UBOX5: variants seen among roughly 807,000 people sequenced by gnomAD.
UBOX5 encodes the protein U-box domain containing 5, also known as RING finger protein 37.
Under a neutral mutation model 39.0 loss-of-function variants are expected in UBOX5, and 28 were observed. The observed-to-expected ratio is 0.72, with a 90% CI of 0.53 to 0.98. The LOEUF (loss-of-function observed/expected upper bound fraction) is 0.98, where lower values mean the gene tolerates loss of function less well. Ranked by LOEUF, UBOX5 falls within the 50% of genes least tolerant of loss-of-function variation. The pLI, the probability that UBOX5 is intolerant of heterozygous loss-of-function variation, is 0.00. For synonymous variants in UBOX5, 283 were observed against 275.5 expected, an observed-to-expected ratio of 1.03 and a Z score of -0.27; for missense variants, 585 against 674.4, an observed-to-expected ratio of 0.87 and a Z score of 1.47.
At chr20:3,125,042 A>C (rs1413954842) in intron 1 of UBOX5, among the ~76,000 whole-genome samples, 1 of 125,552 alleles carries the variant, frequency 8.0e-6, no homozygotes, top group African/African-American at 3.1e-5. Context: ...CAGCCACCCC[A>C]TCTGGTAAGT....
chr20:3,117,537 A>G (rs1402497098), intron 3 of UBOX5, among the ~76,000 whole-genome samples: 1 of 152,178 alleles, frequency 6.6e-6, no homozygotes, highest in Non-Finnish European at 1.5e-5. Flanking sequence ...ACGAAAAATT[A>G]GCCGGGTGTG....
Position 3,121,724 on chromosome 20 carries a change from G to A in UBOX5, c.915C>T (p.Asp305=), listed in dbSNP as rs201610511. 7.4e-6 allele frequency: 12 copies of A among 1,614,088 alleles called. No homozygotes were observed. The African/African-American group carries it at 1.1e-4, about 14-fold the overall frequency. Residue 305 remains aspartate, a synonymous_variant, in exon 3 of 5, where the codon GAC becomes GAT. Coordinates refer to ENST00000217173, the MANE Select transcript of UBOX5 (RefSeq NM_014948.4). Reference sequence around the variant, plus strand: ...GAGTAAAAGCTACCCCCGTGAAAGGGTCACTGGGCACTCGGCCCCATGTGG... The same window carrying A: ...GAGTAAAAGCTACCCCCGTGAAAGGATCACTGGGCACTCGGCCCCATGTGG... ...SEATWGRVPS[D]PFTGVAFTPH...
intron 1 of UBOX5, among the ~76,000 whole-genome samples, chr20:3,140,014 C>CTTT (rs138435815): frequency 6.0e-4 from 47 of 78,350 alleles, no homozygotes; most frequent in Non-Finnish European, 6.9e-4. Context: ...GGCCTTTTTA[C>CTTT]TTTTTTTTTT....
rs1046673768 is a variant in UBOX5 at position 3,115,574 on chromosome 20, A to G, written c.1256-108T>C. 6 of 1,221,856 alleles carry G rather than the reference A, an allele frequency of 4.9e-6. No individual in the cohort carries two copies. In the Admixed American group the frequency reaches 8.6e-5, roughly 17 times the overall value. The allele number at this position is 1,221,856 out of a possible 1,614,324, so 75.7% of individuals were successfully genotyped here. A position where few individuals can be genotyped will look rare whatever the true frequency, so the allele number is the denominator to read the frequency against. On this transcript the variant is annotated intron_variant, in intron 3 of 4. Transcript: ENST00000217173. Reference sequence around the variant, plus strand: ...AACGGCACCTCCAATCTCACACATCAATGTAATGAAACTCCATCCTAATGT... The same window carrying G: ...AACGGCACCTCCAATCTCACACATCGATGTAATGAAACTCCATCCTAATGT...
intron 1 of UBOX5, among the ~76,000 whole-genome samples, chr20:3,129,741 G>C (rs533827212): frequency 6.6e-6 from 1 of 152,156 alleles, no homozygotes; most frequent in Non-Finnish European, 1.5e-5. Context: ...CTCAGTACTA[G>C]AAGAGTTGTT....
At chr20:3,157,193 G>C (rs1229833142) in intron 1 of UBOX5, among the ~76,000 whole-genome samples, 3 of 152,186 alleles carry the variant, frequency 2.0e-5, no homozygotes, top group Non-Finnish European at 4.4e-5. Context: ...AGGGCTTAGA[G>C]ACTGGCAGTA....
intron 4 of UBOX5, 124 bp from the exon 5 acceptor site, chr20:3,110,438 A>C: frequency 8.8e-7 from 1 of 1,137,280 alleles, no homozygotes; most frequent in South Asian, 1.4e-5. Context: ...TCCCGAGTCC[A>C]TCCCAGTCTG....
chr20:3,149,551 C>T lies in UBOX5; in HGVS notation c.-42+10215G>A, dbSNP rs1383027912. ...GACGGCTAAAGAAGAGACGGTGCTC[C>T]GCTAACATTTGATAGGAAGAAGGAA... On this transcript the variant is annotated intron_variant, in intron 1 of 4. Coordinates refer to ENST00000217173, the MANE Select transcript of UBOX5 (RefSeq NM_014948.4). The surrounding 1 kb of genome is among the most constrained non-coding windows in gnomAD (Gnocchi z 4.1). Among the ~76,000 whole-genome samples the T allele has an allele frequency of 2.0e-5, 3 of 152,244 alleles. No individual in the cohort carries two copies. Among genetic ancestry groups the T allele is most frequent in the Admixed American group, 6.5e-5 (1 of 15,282 alleles).
At chr20:3,118,665 A>G (rs1159873857) in intron 3 of UBOX5, among the ~76,000 whole-genome samples, 6 of 151,658 alleles carry the variant, frequency 4.0e-5, no homozygotes, top group African/African-American at 9.7e-5. Flanking sequence ...CCAGCTACTC[A>G]GGAGGCTGAG....
chr20:3,133,762 G>C (rs985218761), intron 1 of UBOX5, among the ~76,000 whole-genome samples: 1 of 150,580 alleles, frequency 6.6e-6, no homozygotes, highest in Non-Finnish European at 1.5e-5. Flanking sequence ...TTTTTGGGGG[G>C]GGGAAACAGG....
chr20:3,115,438 T>C lies in UBOX5; in HGVS notation c.1284A>G (p.Ser428=), dbSNP rs1262767950. The C allele has an allele frequency of 1.2e-6, 2 of 1,613,762 alleles. No homozygotes were observed. Among genetic ancestry groups the C allele is most frequent in the Non-Finnish European group, 1.7e-6 (2 of 1,179,866 alleles). Residue 428 remains serine, a synonymous_variant, in exon 4 of 5, where the codon TCA becomes TCG. Coordinates refer to ENST00000217173, the MANE Select transcript of UBOX5 (RefSeq NM_014948.4). ...TGPLSHEQKL[S]QSLEIALAST... The stretch of plus-strand genomic sequence containing the variant: ...ATGCCAAGGCAATTTCCAAGCTTTG[T>C]GACAGCTTCTGCTCGTGGGACAGTG...
intron 3 of UBOX5, among the ~76,000 whole-genome samples, chr20:3,117,323 ACACAC>A (rs2066301488): frequency 7.7e-6 from 1 of 130,288 alleles, no homozygotes; most frequent in Non-Finnish European, 1.7e-5. Flanking sequence ...ACACACACAC[ACACAC>A]TACAGTCCAA....
At chr20:3,110,528 A>C (rs2148584086) in intron 4 of UBOX5, 1 of 588,958 alleles carries the variant, frequency 1.7e-6, no homozygotes, top group Non-Finnish European at 3.0e-6. Context: ...ACCAAATCTC[A>C]GTGCCTCTAC....
chr20:3,110,306 C>T lies in UBOX5; in HGVS notation c.1426G>A (p.Gly476Arg), dbSNP rs761614081. The change falls in exon 5 of 5, where the codon GGG becomes AGG. Residue 476 changes from glycine to arginine, a missense_variant. Transcript: ENST00000217173. ...WRPGTGSEQP[G>R]SILGPECASC... The stretch of plus-strand genomic sequence containing the variant: ...GCACATTCGGGGCCCAGGATGCTCC[C>T]AGGCTGCTCTGGTAAATCAGGAAGG... 3 of 1,614,048 alleles carry T rather than the reference C, an allele frequency of 1.9e-6. No homozygotes were observed. The highest frequency in any genetic ancestry group is 2.5e-6 in the Non-Finnish European group (3 of 1,179,958).
intron 4 of UBOX5, among the ~76,000 whole-genome samples, chr20:3,113,611 G>C (rs1164629269): frequency 6.6e-6 from 1 of 152,136 alleles, no homozygotes; most frequent in Non-Finnish European, 1.5e-5. Flanking sequence ...CACAGAAGGA[G>C]AGCAGGGGAC....
Position 3,122,070 on chromosome 20 carries a change from C to G in UBOX5, c.569G>C (p.Arg190Pro). ...VTGGGIPCIK[R>P]LEVWGQPAKT... ...GGCCGGCTGACCCCACACTTCCAAC[C>G]GCTTGATACAAGGGATACCGCCGCC... The change falls in exon 3 of 5, where the codon CGG becomes CCG. Residue 190 changes from arginine (R) to proline (P), a missense_variant. Arg to Pro is a moderately radical substitution (Grantham distance 103). Transcript: ENST00000217173. The G allele has an allele frequency of 6.2e-7, 1 of 1,614,232 alleles. No individual in the cohort carries two copies. Among genetic ancestry groups the G allele is most frequent in the Non-Finnish European group, 8.5e-7 (1 of 1,180,040 alleles).
intron 3 of UBOX5, among the ~76,000 whole-genome samples, chr20:3,120,345 CAAAA>C (rs35882932): frequency 1.4e-5 from 1 of 71,004 alleles, no homozygotes. Context: ...GACTCCATCT[CAAAA>C]AAAAAAAAAA....
chr20:3,136,355 TA>T (rs781337772), intron 1 of UBOX5, among the ~76,000 whole-genome samples: 8 of 150,988 alleles, frequency 5.3e-5, no homozygotes, highest in Non-Finnish European at 1.0e-4. Flanking sequence ...TGTTTATTTT[TA>T]TTTTTTATTT....
At chr20:3,125,754 G>T in intron 1 of UBOX5, among the ~76,000 whole-genome samples, 1 of 129,366 alleles carries the variant, frequency 7.7e-6, no homozygotes, top group African/African-American at 3.0e-5. Flanking sequence ...GAGCGCCTCT[G>T]CCCGGCCACC....
Sources: allele counts gnomAD v4.1 joint callset (sites outside exome capture counted in the v4.1 genomes callset), GRCh38; gene constraint gnomAD v4.1.1; non-coding constraint Gnocchi (gnomAD v3.1); transcripts MANE v1.5; gene names NCBI Gene and HGNC (gene_info 2026-07-23, HGNC 2026-07-21).